Variants in CTNNA2 observed in about 807,000 individuals in gnomAD.
The protein encoded by CTNNA2 is catenin alpha-2.
Under a neutral mutation model 101.0 loss-of-function variants are expected in CTNNA2, and 42 were observed. That is an observed-to-expected ratio of 0.42 (90% confidence interval 0.32 to 0.54). The LOEUF (loss-of-function observed/expected upper bound fraction) is 0.54. CTNNA2 is among the 20% of genes least tolerant of loss of function. CTNNA2 has a pLI of 0.14. For missense variants in CTNNA2, 871 were observed against 1,223.1 expected (o/e 0.71, Z 4.29); for synonymous variants, 450 against 456.4 (o/e 0.99, Z 0.18).
At chr2:80,122,029 G>A (rs535908003) in intron 7 of CTNNA2, among the ~76,000 whole-genome samples, 1 of 152,152 alleles carries the variant, frequency 6.6e-6, no homozygotes, top group African/African-American at 2.4e-5. Flanking sequence ...GGTCACAAAT[G>A]CAGAATCTTG....
At chr2:80,542,048 G>C (rs1047624344) in intron 9 of CTNNA2, among the ~76,000 whole-genome samples, 9 of 151,020 alleles carry the variant, frequency 6.0e-5, no homozygotes, top group African/African-American at 2.2e-4. Context: ...TAATTGTGAA[G>C]CAAATTCCAA....
chr2:79,886,857 C>T lies in CTNNA2; in HGVS notation c.852+12515C>T, dbSNP rs568814830. ...TGTTTTTGTTTTTGAGACAGGGTCT[C>T]CCTCTGTCACCCAGGCTGGAGTGCA... On this transcript the variant is annotated intron_variant, in intron 6 of 18. Coordinates refer to ENST00000402739, the MANE Select transcript of CTNNA2 (RefSeq NM_001282597.3). 1.5e-3 allele frequency among the ~76,000 whole-genome samples: 232 copies of T among 149,796 alleles called. 1 individual carries two copies. The highest frequency in any genetic ancestry group is 5.2e-3 in the African/African-American group (212 of 40,776).
chr2:79,874,910 T>C (rs1558602332), intron 6 of CTNNA2, among the ~76,000 whole-genome samples: 1 of 152,184 alleles, frequency 6.6e-6, no homozygotes, highest in East Asian at 1.9e-4. Context: ...AATTTGACGA[T>C]CATCTTTATT....
chr2:80,004,450 A>G lies in CTNNA2; in HGVS notation c.1056+94653A>G, dbSNP rs144486792. On this transcript the variant is annotated intron_variant, in intron 7 of 18. Coordinates refer to ENST00000402739, the MANE Select transcript of CTNNA2 (RefSeq NM_001282597.3). ...TCAGAGATCGTTGTTACAAATGTAA[A>G]TAAGTAAATAATGACATCAGGAGCA... is the stretch of plus-strand genomic sequence containing the variant. Among the ~76,000 whole-genome samples, 992 of 152,250 alleles carry G rather than the reference A, an allele frequency of 6.5e-3. 6 individuals carry two copies. Among genetic ancestry groups the G allele is most frequent in the Non-Finnish European group, 0.011 (764 of 68,020 alleles).
intron 3 of CTNNA2, among the ~76,000 whole-genome samples, chr2:79,855,848 T>G (rs915787473): frequency 2.0e-5 from 3 of 152,258 alleles, no homozygotes; most frequent in Non-Finnish European, 4.4e-5. Flanking sequence ...TTGTGGCACT[T>G]TTGTCAATAG....
chr2:79,636,294 A>AAAAAG lies in CTNNA2; in HGVS notation c.-5-15254_-5-15253insGAAAA, dbSNP rs1680060579. The stretch of plus-strand genomic sequence containing the variant: ...CAAAAAAAAAAAAAAAAAAAAAAAA[A>AAAAAG]AAAAAGGAAGAAAAAGAAAAGAAAT... On this transcript the variant is annotated intron_variant, in intron 1 of 18. Coordinates refer to ENST00000402739, the MANE Select transcript of CTNNA2 (RefSeq NM_001282597.3). 2.3e-5 allele frequency among the ~76,000 whole-genome samples: 3 copies of AAAAAG among 131,598 alleles called. 1 individual carries two copies. The highest frequency in any genetic ancestry group is 9.1e-5 in the African/African-American group (3 of 32,938). The allele number at this position is 131,598 out of a possible 152,430, so 86.3% of individuals were successfully genotyped here.
At chr2:79,817,606 A>G (rs999794104) in intron 3 of CTNNA2, among the ~76,000 whole-genome samples, 4 of 151,908 alleles carry the variant, frequency 2.6e-5, no homozygotes, top group Non-Finnish European at 4.4e-5. Flanking sequence ...CTCTCTTAAT[A>G]TTTCGGAGCC....
intron 3 of CTNNA2, among the ~76,000 whole-genome samples, chr2:79,772,833 T>G (rs945560946): frequency 6.6e-6 from 1 of 152,174 alleles, no homozygotes; most frequent in Non-Finnish European, 1.5e-5. Context: ...CCAAAGCATG[T>G]TTGTCCATTT....
At chr2:80,243,528 A>G (rs310782) in intron 7 of CTNNA2, among the ~76,000 whole-genome samples, 98,491 of 152,006 alleles carry the variant, frequency 0.65, 32,435 homozygotes, top group African/African-American at 0.77. Flanking sequence ...AACAATATGC[A>G]CTCTTTTTGT....
chr2:79,429,939 T>G (rs1678638781), intron 4 of CTNNA2, among the ~76,000 whole-genome samples: 1 of 152,152 alleles, frequency 6.6e-6, no homozygotes, highest in Admixed American at 6.6e-5. Flanking sequence ...TTTATTTCTT[T>G]GCAGTAGTAA....
chr2:80,577,923 C>T (rs1226720975), intron 13 of CTNNA2, among the ~76,000 whole-genome samples: 1 of 152,168 alleles, frequency 6.6e-6, no homozygotes, highest in Non-Finnish European at 1.5e-5. Context: ...CTGAAGGATT[C>T]AGAGTCATTT....
rs144883221 is a variant in CTNNA2, at chr2:79,711,158, T to G, written c.103-33229T>G. 3.6e-3 allele frequency among the ~76,000 whole-genome samples: 554 copies of G among 151,838 alleles called. 5 individuals carry two copies. The highest frequency in any genetic ancestry group is 0.013 in the African/African-American group (532 of 41,084). On this transcript the variant is annotated intron_variant, in intron 2 of 18. Transcript: ENST00000402739. Reference sequence around the variant, plus strand: ...ATGATATCTCCAGCTTAGTTTTAACTTTGTTTGAAATGAGAAAACCTATGG... The same window carrying G: ...ATGATATCTCCAGCTTAGTTTTAACGTTGTTTGAAATGAGAAAACCTATGG...
chr2:80,446,421 A>T (rs1173773173), intron 9 of CTNNA2, among the ~76,000 whole-genome samples: 1 of 152,232 alleles, frequency 6.6e-6, no homozygotes, highest in Non-Finnish European at 1.5e-5. Context: ...TATTACATTG[A>T]TCTATTCAAG....
At chr2:80,390,009 C>A (rs762588361) in intron 7 of CTNNA2, among the ~76,000 whole-genome samples, 1 of 152,172 alleles carries the variant, frequency 6.6e-6, no homozygotes, top group African/African-American at 2.4e-5. Flanking sequence ...TATAAAGAAG[C>A]TCTTATAGAA....
intron 4 of CTNNA2, among the ~76,000 whole-genome samples, chr2:79,400,134 A>T (rs1361237700): frequency 6.6e-6 from 1 of 152,106 alleles, no homozygotes; most frequent in East Asian, 1.9e-4. Flanking sequence ...GGTCATAAAT[A>T]GATAAGAGAC....
At chr2:79,929,702 C>G (rs1687261271) in intron 7 of CTNNA2, among the ~76,000 whole-genome samples, 1 of 152,134 alleles carries the variant, frequency 6.6e-6, no homozygotes, top group South Asian at 2.1e-4. Flanking sequence ...TTGTATTCTA[C>G]TTGTCTAGTT....
At chr2:79,600,058 T>A (rs1324846161) in intron 1 of CTNNA2, among the ~76,000 whole-genome samples, 1 of 152,204 alleles carries the variant, frequency 6.6e-6, no homozygotes, top group African/African-American at 2.4e-5. Context: ...ACTTTCAGAA[T>A]GCAAATTAAG....
intron 7 of CTNNA2, among the ~76,000 whole-genome samples, chr2:80,351,130 C>G (rs1441168466): frequency 6.6e-6 from 1 of 152,094 alleles, no homozygotes; most frequent in African/African-American, 2.4e-5. Flanking sequence ...GAAACAGATT[C>G]CTACTATAGC....
At chr2:79,413,342 G>C (rs958732022) in intron 4 of CTNNA2, among the ~76,000 whole-genome samples, 1 of 151,906 alleles carries the variant, frequency 6.6e-6, no homozygotes, top group South Asian at 2.1e-4. Flanking sequence ...TTAACTTAAT[G>C]TAATGTCCTC....
Sources: allele counts gnomAD v4.1 joint callset (sites outside exome capture counted in the v4.1 genomes callset), GRCh38; gene constraint gnomAD v4.1.1; transcripts MANE v1.5; gene names NCBI Gene and HGNC (gene_info 2026-07-23, HGNC 2026-07-21).